CSNK1D: variants seen among roughly 807,000 people sequenced by gnomAD.
CSNK1D encodes casein kinase 1 delta.
CSNK1D carries 16 observed loss-of-function variants against 46.6 expected under a neutral mutation model. That is an observed-to-expected ratio of 0.34 (90% CI 0.23 to 0.52). CSNK1D has a LOEUF of 0.52. CSNK1D is among the 20% of genes least tolerant of loss of function. The pLI, the probability that CSNK1D is intolerant of heterozygous loss-of-function variation, is 0.95. For synonymous variants in CSNK1D, 276 were observed against 228.2 expected, an observed-to-expected ratio of 1.21 and a Z score of -1.89; for missense variants, 398 against 578.4, an observed-to-expected ratio of 0.69 and a Z score of 3.20.
At position 82,251,589 on chromosome 17, in the gene CSNK1D, C is replaced by T; in HGVS notation, c.737-62G>A. ...CCAACTGCGACTCAAGGTGTCTCTGCCAACGTCGCTGTCTACCTCCTGCTG... is the reference window on the plus strand; with the variant it reads ...CCAACTGCGACTCAAGGTGTCTCTGTCAACGTCGCTGTCTACCTCCTGCTG... On this transcript the variant is annotated intron_variant, in intron 5 of 8. Transcript: ENST00000314028. This position sits in a 1 kb window ranked among gnomAD's most constrained non-coding sequence, Gnocchi z 4.5. 1.3e-6 allele frequency: 2 copies of T among 1,566,382 alleles called. No homozygotes were observed.
intron 2 of CSNK1D, among the ~76,000 whole-genome samples, chr17:82,262,668 C>T (rs1344085091): frequency 1.3e-5 from 2 of 152,162 alleles, no homozygotes; most frequent in African/African-American, 2.4e-5. Context: ...CCACCCATAA[C>T]AGGACAATCT....
At chr17:82,245,938 T>C (rs1469950604) in intron 8 of CSNK1D, 63 of 1,573,314 alleles carry the variant, frequency 4.0e-5, no homozygotes, top group Non-Finnish European at 5.3e-5. Context: ...CCCACCCACC[T>C]GGCGCTGCTG....
At position 82,252,670 on chromosome 17, in the gene CSNK1D, G is replaced by T; in HGVS notation, c.566-66C>A. ...TGCTCACGTCAAAGCAAAAGACCCG[G>T]CTGGCCGTTCCAGTGGAGACTAGCC... On this transcript the variant is annotated intron_variant, in intron 4 of 8. Coordinates refer to ENST00000314028, the MANE Select transcript of CSNK1D (RefSeq NM_001893.6). This position sits in a 1 kb window ranked among gnomAD's most constrained non-coding sequence, Gnocchi z 4.6. The T allele has an allele frequency of 6.5e-7, 1 of 1,529,652 alleles. No homozygotes were observed. The highest frequency in any genetic ancestry group is 8.9e-7 in the Non-Finnish European group (1 of 1,127,130). The allele number at this position is 1,529,652 out of a possible 1,614,324, so 94.8% of individuals were successfully genotyped here. A position where few individuals can be genotyped will look rare whatever the true frequency, so the allele number is the denominator to read the frequency against.
chr17:82,249,925 C>T lies in CSNK1D; in HGVS notation c.886-323G>A. The stretch of plus-strand genomic sequence containing the variant: ...GCTGCTCTGTGAACATGCTCACTAA[C>T]ACGTGCAGAAAGAGGAGAGGGACAG... On this transcript the variant is annotated intron_variant, in intron 6 of 8. Transcript: ENST00000314028. The surrounding 1 kb of genome is among the most constrained non-coding windows in gnomAD (Gnocchi z 6.7). The T allele has an allele frequency of 7.6e-7, 1 of 1,310,720 alleles. No homozygotes were observed. Among genetic ancestry groups the T allele is most frequent in the Non-Finnish European group, 9.8e-7 (1 of 1,019,544 alleles). 81.2% of individuals were successfully genotyped at this position (1,310,720 alleles called of 1,614,324 possible).
At chr17:82,247,841 G>C (rs886119971) in intron 8 of CSNK1D, 1 of 985,294 alleles carries the variant, frequency 1.0e-6, no homozygotes, top group African/African-American at 1.7e-5. Flanking sequence ...TTGGGAAGAA[G>C]TTATACAAAA....
In CSNK1D at chr17:82,249,991, C is replaced by A; in HGVS notation, c.886-389G>T. 8.1e-7 allele frequency: 1 copy of A among 1,235,744 alleles called. No homozygotes were observed. Among genetic ancestry groups the A allele is most frequent in the Non-Finnish European group, 1.0e-6 (1 of 966,160 alleles). The allele number at this position is 1,235,744 out of a possible 1,614,324, so 76.5% of individuals were successfully genotyped here. A position where few individuals can be genotyped will look rare whatever the true frequency, so the allele number is the denominator to read the frequency against. ...AAAGACAGGCCCCAAATGGTGACAGCTGGGGAGGAAAGCGGGGTGGGGATG... is the reference window on the plus strand; with the variant it reads ...AAAGACAGGCCCCAAATGGTGACAGATGGGGAGGAAAGCGGGGTGGGGATG... On this transcript the variant is annotated intron_variant, in intron 6 of 8. Transcript: ENST00000314028. The surrounding 1 kb of genome is among the most constrained non-coding windows in gnomAD (Gnocchi z 6.7).
chr17:82,249,039 TG>T lies in CSNK1D; in HGVS notation c.1058-26del, dbSNP rs777639888. 5.4e-5 allele frequency: 84 copies of T among 1,548,464 alleles called. No homozygotes were observed. The highest frequency in any genetic ancestry group is 6.8e-5 in the Non-Finnish European group (78 of 1,145,838). ...GCTGAGGACAGGGAGAGAAACGGAG[TG>T]GGCCGCCCCCGTCTGCTGCCTCTCA... is the stretch of plus-strand genomic sequence containing the variant. On this transcript the variant is annotated intron_variant, in intron 7 of 8. Transcript: ENST00000314028. The surrounding 1 kb of genome is among the most constrained non-coding windows in gnomAD (Gnocchi z 6.7).
Position 82,250,027 on chromosome 17 carries a change from G to A in CSNK1D, c.886-425C>T. The A allele has an allele frequency of 8.0e-7, 1 of 1,244,338 alleles. No individual in the cohort carries two copies. The highest frequency in any genetic ancestry group is 1.0e-6 in the Non-Finnish European group (1 of 965,092). 77.1% of individuals were successfully genotyped at this position (1,244,338 alleles called of 1,614,324 possible). ...AGCGGGGTGGGGATGAGAGCGTTTG[G>A]TCGGACGAGGAGTACACTCAGGGTC... On this transcript the variant is annotated intron_variant, in intron 6 of 8. Transcript: ENST00000314028. This position sits in a 1 kb window ranked among gnomAD's most constrained non-coding sequence, Gnocchi z 4.6.
intron 8 of CSNK1D, chr17:82,245,327 C>G: frequency 3.7e-6 from 1 of 272,672 alleles, no homozygotes; most frequent in Non-Finnish European, 7.2e-6. Context: ...GGGAGCACAG[C>G]GTGGACGCCG....
Position 82,248,908 on chromosome 17 carries a change from G to C in CSNK1D, c.1164C>G (p.Gly388=), listed in dbSNP as rs756157221. The part of the protein sequence containing the change: ...PVNISSSDLT[G]RQDTSRMSTS... The stretch of plus-strand genomic sequence containing the variant: ...TGGACATGCGAGAGGTATCTTGTCG[G>C]CCTGTGAGGTCGGACGAGGAGATGT... The change falls in exon 8 of 9, where the codon GGC becomes GGG. Residue 388 remains glycine, a synonymous_variant. Transcript: ENST00000314028. The surrounding 1 kb of genome is among the most constrained non-coding windows in gnomAD (Gnocchi z 4.1). 4 of 1,609,914 alleles carry C rather than the reference G, an allele frequency of 2.5e-6. No individual in the cohort carries two copies. The Admixed American group carries it at 6.7e-5, about 27-fold the overall frequency.
chr17:82,241,607 G>A (rs559289932), downstream of CSNK1D, among the ~76,000 whole-genome samples: 4 of 152,360 alleles, frequency 2.6e-5, no homozygotes, highest in Admixed American at 1.3e-4. Flanking sequence ...GCCGTTTTCC[G>A]GTTGGGGCCG....
rs2050772490 is a variant in CSNK1D, at chr17:82,243,285, G to A, written c.*1496C>T. On this transcript the variant is annotated 3_prime_UTR_variant, in exon 9 of 9. Coordinates refer to ENST00000314028, the MANE Select transcript of CSNK1D (RefSeq NM_001893.6). ...AGGGAGAACCAAGGTGCACACCTTC[G>A]AAGCCCTAGAGTCCAAAGGGAACAT... The A allele has an allele frequency of 6.1e-6, 6 of 985,364 alleles. No homozygotes were observed. The highest frequency in any genetic ancestry group is 1.1e-4 in the East Asian group (1 of 8,824). The allele number at this position is 985,364 out of a possible 1,614,324, so 61.0% of individuals were successfully genotyped here.
At position 82,254,935 on chromosome 17, in the gene CSNK1D, A is replaced by G. The variant is rs550649534; in HGVS notation, c.336+494T>C. On this transcript the variant is annotated intron_variant, in intron 3 of 8. Transcript: ENST00000314028. ...CCTCCAGAAGCCAGTGAGCTGAGCC[A>G]TCGGAGCCTCGACAAGCCAGTGAGC... Among the ~76,000 whole-genome samples the G allele has an allele frequency of 7.2e-3, 807 of 112,750 alleles. 12 individuals are homozygous for G. Among genetic ancestry groups the G allele is most frequent in the Middle Eastern group, 0.012 (2 of 168 alleles). 74.0% of individuals were successfully genotyped at this position (112,750 alleles called of 152,430 possible).
In CSNK1D at chr17:82,242,677, G is replaced by A; in HGVS notation, c.*2104C>T. 10 of 985,416 alleles carry A rather than the reference G, an allele frequency of 1.0e-5. No individual in the cohort carries two copies. Among genetic ancestry groups the A allele is most frequent in the Non-Finnish European group, 1.1e-5 (9 of 829,868 alleles). The allele number at this position is 985,416 out of a possible 1,614,324, so 61.0% of individuals were successfully genotyped here. A position where few individuals can be genotyped will look rare whatever the true frequency, so the allele number is the denominator to read the frequency against. On this transcript the variant is annotated 3_prime_UTR_variant, in exon 9 of 9. Transcript: ENST00000314028. The stretch of plus-strand genomic sequence containing the variant: ...GAAAGGGGAGGGAAGAAAGGTAGAA[G>A]TCATTATGAATTTATTATTTACACG...
chr17:82,249,242 C>T lies in CSNK1D; in HGVS notation c.1057+189G>A, dbSNP rs1229696339. On this transcript the variant is annotated intron_variant, in intron 7 of 8. Transcript: ENST00000314028. This position sits in a 1 kb window ranked among gnomAD's most constrained non-coding sequence, Gnocchi z 6.7. The stretch of plus-strand genomic sequence containing the variant: ...GGAACGTGAGATGCGGGAGGAATCA[C>T]GCACACCAGCAGGTGCCGGCATTTC... 7 of 762,324 alleles carry T rather than the reference C, an allele frequency of 9.2e-6. No homozygotes were observed. Among genetic ancestry groups the T allele is most frequent in the South Asian group, 3.6e-5 (2 of 54,834 alleles). The allele number at this position is 762,324 out of a possible 1,614,324, so 47.2% of individuals were successfully genotyped here.
rs112301673 is a variant in CSNK1D, at chr17:82,250,797, T to C, written c.885+582A>G. On this transcript the variant is annotated intron_variant, in intron 6 of 8. Transcript: ENST00000314028. This position sits in a 1 kb window ranked among gnomAD's most constrained non-coding sequence, Gnocchi z 4.6. ...TGACAACAAAACAGTAAGTTTTTAATGAAGGAACACAACAGTTCCACAGGA... is the reference window on the plus strand; with the variant it reads ...TGACAACAAAACAGTAAGTTTTTAACGAAGGAACACAACAGTTCCACAGGA... The C allele has an allele frequency of 2.0e-3, 345 of 168,444 alleles. 1 individual carries two copies. The highest frequency in any genetic ancestry group is 7.9e-3 in the African/African-American group (330 of 41,758). The allele number at this position is 168,444 out of a possible 1,614,324, so 10.4% of individuals were successfully genotyped here.
Position 82,255,354 on chromosome 17 carries a change from G to T in CSNK1D, c.336+75C>A. On this transcript the variant is annotated intron_variant, in intron 3 of 8. Transcript: ENST00000314028. This position sits in a 1 kb window ranked among gnomAD's most constrained non-coding sequence, Gnocchi z 5.9. ...CTGTGAATTAATGGCCATAATAATG[G>T]CAAGAACAGCACAAGCGAGTGGCTG... 1 of 1,549,288 alleles carries T rather than the reference G, an allele frequency of 6.5e-7. No homozygotes were observed. Among genetic ancestry groups the T allele is most frequent in the Non-Finnish European group, 8.9e-7 (1 of 1,121,432 alleles).
Position 82,248,859 on chromosome 17 carries a change from G to C in CSNK1D, c.1197+16C>G, listed in dbSNP as rs1213056131. On this transcript the variant is annotated intron_variant, in intron 8 of 8. Transcript: ENST00000314028. This position sits in a 1 kb window ranked among gnomAD's most constrained non-coding sequence, Gnocchi z 4.1. ...TAGCCCGAGGCCCAGCGCCCGCCCG[G>C]GAGCTCTGCACCTACCTGTGAGGTG... 1 of 1,606,524 alleles carries C rather than the reference G, an allele frequency of 6.2e-7. No homozygotes were observed. The highest frequency in any genetic ancestry group is 8.5e-7 in the Non-Finnish European group (1 of 1,176,210).
At position 82,248,137 on chromosome 17, in the gene CSNK1D, A is replaced by T. The variant is rs1380719566; in HGVS notation, c.1197+738T>A. 5.1e-6 allele frequency: 5 copies of T among 985,416 alleles called. No individual in the cohort carries two copies. Among genetic ancestry groups the T allele is most frequent in the Non-Finnish European group, 6.0e-6 (5 of 829,996 alleles). 61.0% of individuals were successfully genotyped at this position (985,416 alleles called of 1,614,324 possible). A position where few individuals can be genotyped will look rare whatever the true frequency, so the allele number is the denominator to read the frequency against. On this transcript the variant is annotated intron_variant, in intron 8 of 8. Coordinates refer to ENST00000314028, the MANE Select transcript of CSNK1D (RefSeq NM_001893.6). This position sits in a 1 kb window ranked among gnomAD's most constrained non-coding sequence, Gnocchi z 4.1. ...ACCCCCCAGGATGCCTGCTGGTGAA[A>T]CAGCCCTGCCCCACTAACCCTGCCC...
Sources: allele counts gnomAD v4.1 joint callset (sites outside exome capture counted in the v4.1 genomes callset), GRCh38; gene constraint gnomAD v4.1.1; non-coding constraint Gnocchi (gnomAD v3.1); transcripts MANE v1.5; gene names NCBI Gene and HGNC (gene_info 2026-07-23, HGNC 2026-07-21).